The following SLC34A2 variants were observed in gnomAD, a reference collection of about 807,000 sequenced individuals.
SLC34A2 encodes the protein solute carrier family 34 member 2, also known as sodium-dependent phosphate transport protein 2B.
Under a neutral mutation model 50.8 loss-of-function variants are expected in SLC34A2, and 41 were observed. The observed-to-expected ratio is 0.81, with a 90% confidence interval of 0.63 to 1.05. The LOEUF is 1.05. SLC34A2 is among the 50% of genes least tolerant of loss of function. SLC34A2 has a pLI of 0.00. For synonymous variants in SLC34A2, 401 were observed against 364.2 expected (o/e 1.10, Z -1.15); for missense variants, 879 against 876.7 (o/e 1.00, Z -0.03).
Position 25,670,614 on chromosome 4 carries a change from G to A in SLC34A2, c.832-124G>A, listed in dbSNP as rs1052444440. The A allele has an allele frequency of 1.1e-5, 8 of 725,238 alleles. No homozygotes were observed. The African/African-American group carries it at 1.4e-4, about 13-fold the overall frequency. The allele number at this position is 725,238 out of a possible 1,614,324, so 44.9% of individuals were successfully genotyped here. On this transcript the variant is annotated intron_variant, in intron 7 of 12. Coordinates refer to ENST00000382051, the MANE Select transcript of SLC34A2 (RefSeq NM_006424.3). ...CTGCAGATAGAGTGAGTCCCACTTT[G>A]CCTCTCTGGGGGCTCACAGTCACAT...
At chr4:25,661,724 A>T (rs1470943052) in intron 1 of SLC34A2, among the ~76,000 whole-genome samples, 1 of 152,080 alleles carries the variant, frequency 6.6e-6, no homozygotes, top group Non-Finnish European at 1.5e-5. Context: ...AAGTTGTATA[A>T]ATCTGTTAAA....
At chr4:25,676,075 C>T in intron 12 of SLC34A2, 60 bp from the exon 13 acceptor site, 2 of 1,603,998 alleles carry the variant, frequency 1.2e-6, no homozygotes, top group African/African-American at 1.3e-5. Flanking sequence ...CCCTCCTCCT[C>T]CCTACTGCCA....
intron 8 of SLC34A2, among the ~76,000 whole-genome samples, chr4:25,671,238 C>T (rs1484326503): frequency 2.6e-5 from 4 of 152,162 alleles, no homozygotes; most frequent in Non-Finnish European, 5.9e-5. Flanking sequence ...TCCCCCTGCT[C>T]GGGCCCAGAG....
intron 9 of SLC34A2, 149 bp downstream of exon 9, chr4:25,671,870 C>A: frequency 1.8e-6 from 2 of 1,140,612 alleles, no homozygotes; most frequent in Non-Finnish European, 2.6e-6. Flanking sequence ...CATGCTTTCA[C>A]AGCAGAGGAA....
At position 25,663,140 on chromosome 4, in the gene SLC34A2, G is replaced by A. The variant is rs923140983; in HGVS notation, c.250+298G>A. Among the ~76,000 whole-genome samples, 7 of 152,166 alleles carry A rather than the reference G, an allele frequency of 4.6e-5. No homozygotes were observed. The East Asian group carries it at 1.4e-3, about 29-fold the overall frequency. On this transcript the variant is annotated intron_variant, in intron 3 of 12. Transcript: ENST00000382051. ...CAGGCTAATTTTTGTATTTTTAATA[G>A]AGATGGGGTTTCACCATGTTGGCCA...
intron 1 of SLC34A2, among the ~76,000 whole-genome samples, chr4:25,658,785 T>C (rs1714020464): frequency 6.6e-6 from 1 of 152,142 alleles, no homozygotes; most frequent in African/African-American, 2.4e-5. Context: ...AGTGAGGCCT[T>C]GGGAAGGCTG....
At chr4:25,658,603 G>A (rs1714009833) in intron 1 of SLC34A2, among the ~76,000 whole-genome samples, 1 of 152,208 alleles carries the variant, frequency 6.6e-6, no homozygotes, top group Non-Finnish European at 1.5e-5. Context: ...TCTGGCAGTG[G>A]GTGCCCATGT....
At chr4:25,666,669 C>T (rs1305568287) in intron 5 of SLC34A2, among the ~76,000 whole-genome samples, 1 of 152,194 alleles carries the variant, frequency 6.6e-6, no homozygotes, top group Non-Finnish European at 1.5e-5. Flanking sequence ...CTGGCAGCTA[C>T]CCTATTGAGA....
rs1715132819 is a variant in SLC34A2 at position 25,676,524 on chromosome 4, G to A, written c.1848G>A (p.Met616Ile). ...CCAAGTTCACCGGCTGCTTCCAGAT[G>A]CGCTGCTGCTGCTGCTGCCGCGTGT... ...VVSKFTGCFQ[M>I]RCCCCCRVCC... The change falls in exon 13 of 13, where the codon ATG becomes ATA. Residue 616 changes from methionine (M) to isoleucine (I), a missense_variant. Met to Ile is a conservative substitution (Grantham distance 10). Transcript: ENST00000382051. 2 of 1,613,868 alleles carry A rather than the reference G, an allele frequency of 1.2e-6. No individual in the cohort carries two copies. The highest frequency in any genetic ancestry group is 1.3e-5 in the African/African-American group (1 of 74,922).
At chr4:25,667,384 T>C (rs1301367521) in intron 5 of SLC34A2, among the ~76,000 whole-genome samples, 2 of 152,188 alleles carry the variant, frequency 1.3e-5, no homozygotes, top group East Asian at 1.9e-4. Flanking sequence ...TGGTGGTGCA[T>C]GCCTCCAGTC....
intron 3 of SLC34A2, among the ~76,000 whole-genome samples, chr4:25,663,707 C>T (rs3775909): frequency 6.6e-6 from 1 of 151,980 alleles, no homozygotes; most frequent in Non-Finnish European, 1.5e-5. Flanking sequence ...GTAAACAGCA[C>T]TTAAGGATGT....
chr4:25,669,903 T>C lies in SLC34A2; in HGVS notation c.831+61T>C, dbSNP rs564416282. 6 of 1,377,056 alleles carry C rather than the reference T, an allele frequency of 4.4e-6. No individual in the cohort carries two copies. In the African/African-American group the frequency reaches 7.1e-5, roughly 16 times the overall value. 85.3% of individuals were successfully genotyped at this position (1,377,056 alleles called of 1,614,324 possible). The stretch of plus-strand genomic sequence containing the variant: ...CTTCCTACCCACAACATCCCCTACC[T>C]GAGCTGACAGATATAGAGTGTCTAC... On this transcript the variant is annotated intron_variant, in intron 7 of 12. Transcript: ENST00000382051.
At chr4:25,672,078 A>G (rs1714848868) in intron 9 of SLC34A2, among the ~76,000 whole-genome samples, 1 of 152,208 alleles carries the variant, frequency 6.6e-6, no homozygotes. Flanking sequence ...TCAAGGCTAT[A>G]ATCCCAGCAC....
intron 1 of SLC34A2, among the ~76,000 whole-genome samples, chr4:25,660,873 TA>T (rs1560234052): frequency 6.6e-6 from 1 of 152,212 alleles, no homozygotes; most frequent in Non-Finnish European, 1.5e-5. Flanking sequence ...ATAGGCATTT[TA>T]GCCATTTGTT....
Position 25,676,494 on chromosome 4 carries a change from C to T in SLC34A2, c.1818C>T (p.Val606=). ...GCTCGCTGAAGCCCTGGGATGCCGT[C>T]GTCTCCAAGTTCACCGGCTGCTTCC... ...WMRSLKPWDA[V]VSKFTGCFQM... is the part of the protein sequence containing the mutation. The change falls in exon 13 of 13, where the codon GTC becomes GTT. Residue 606 remains valine, a synonymous_variant. Transcript: ENST00000382051. 5.0e-6 allele frequency: 8 copies of T among 1,614,186 alleles called. No homozygotes were observed. Among genetic ancestry groups the T allele is most frequent in the South Asian group, 1.1e-5 (1 of 91,082 alleles).
chr4:25,674,366 C>T lies in SLC34A2; in HGVS notation c.1287C>T (p.Ile429=), dbSNP rs759904487. Residue 429 remains isoleucine, a synonymous_variant, in exon 11 of 13, where the codon ATC becomes ATT. Transcript: ENST00000382051. ...TCGTCGGGGCAGGCATGACCTTCATCGTACAGAGCAGCTCTGTGTTCACGT... is the reference window on the plus strand; with the variant it reads ...TCGTCGGGGCAGGCATGACCTTCATTGTACAGAGCAGCTCTGTGTTCACGT... ...AILVGAGMTF[I]VQSSSVFTSA... 37 of 1,614,074 alleles carry T rather than the reference C, an allele frequency of 2.3e-5. No homozygotes were observed. The East Asian group carries it at 3.6e-4, about 16-fold the overall frequency.
At chr4:25,674,734 A>G in intron 12 of SLC34A2, 105 bp downstream of exon 12, 1 of 1,453,520 alleles carries the variant, frequency 6.9e-7, no homozygotes, top group Admixed American at 1.9e-5. Context: ...ACTATCCAAA[A>G]TATGGAACTA....
chr4:25,657,465 C>T (rs186298359), intron 1 of SLC34A2, among the ~76,000 whole-genome samples: 2 of 152,076 alleles, frequency 1.3e-5, no homozygotes, highest in African/African-American at 2.4e-5. Flanking sequence ...AAAAAGATTG[C>T]GGTATTTTTA....
chr4:25,671,028 A>G (rs2109057581), intron 8 of SLC34A2, among the ~76,000 whole-genome samples, 195 bp downstream of exon 8: 1 of 152,340 alleles, frequency 6.6e-6, no homozygotes, highest in East Asian at 1.9e-4. Flanking sequence ...GGTAAACAGT[A>G]GGACAGACAG....
Sources: allele counts gnomAD v4.1 joint callset (sites outside exome capture counted in the v4.1 genomes callset), GRCh38; gene constraint gnomAD v4.1.1; transcripts MANE v1.5; gene names NCBI Gene and HGNC (gene_info 2026-07-23, HGNC 2026-07-21).